UBE2Z: variants seen among roughly 807,000 people sequenced by gnomAD.
UBE2Z encodes ubiquitin-conjugating enzyme E2 Z.
In UBE2Z, 10 loss-of-function variants were observed where a neutral mutation model predicts 32.6. The observed-to-expected ratio is 0.31, with a 90% confidence interval of 0.19 to 0.52. The LOEUF is 0.52. Ranked by LOEUF, UBE2Z falls within the 20% of genes least tolerant of loss-of-function variation. The probability of loss-of-function intolerance (pLI) is 0.97; values close to 1 mark genes in which losing one functional copy is unlikely to be tolerated. For missense variants in UBE2Z, 343 were observed against 480.9 expected (o/e 0.71, Z 2.68); for synonymous variants, 183 against 190.8 (o/e 0.96, Z 0.34).
chr17:48,917,004 C>A (rs780004136), intron 4 of UBE2Z, among the ~76,000 whole-genome samples: 8 of 148,932 alleles, frequency 5.4e-5, no homozygotes, highest in South Asian at 2.1e-4. Context: ...TCGGTCCCCC[C>A]ACCCCCAAAA....
chr17:48,910,497 A>G (rs2040668058), intron 1 of UBE2Z: 4 of 298,234 alleles, frequency 1.3e-5, no homozygotes, highest in Non-Finnish European at 2.6e-5. Context: ...TGTGGGAGGA[A>G]GTGAGAGTAA....
chr17:48,917,920 G>A (rs930871789), intron 4 of UBE2Z, among the ~76,000 whole-genome samples: 9 of 152,052 alleles, frequency 5.9e-5, no homozygotes, highest in African/African-American at 1.7e-4. Flanking sequence ...CCGGATAGGT[G>A]ATTAGAACAG....
rs894803813 is a variant in UBE2Z, at chr17:48,926,630, C to T, written c.895-334C>T. On this transcript the variant is annotated intron_variant, in intron 6 of 6. Coordinates refer to ENST00000360943, the MANE Select transcript of UBE2Z (RefSeq NM_023079.5). ...CCGAGTAGCTGGGATTACAGGCATG[C>T]GCCACGACACCCGGCTAATTTTGCA... 3.3e-5 allele frequency among the ~76,000 whole-genome samples: 5 copies of T among 152,096 alleles called. No homozygotes were observed. In the South Asian group the frequency reaches 1.0e-3, roughly 32 times the overall value.
intron 3 of UBE2Z, among the ~76,000 whole-genome samples, chr17:48,914,310 G>C (rs1372060794): frequency 6.6e-6 from 1 of 152,122 alleles, no homozygotes; most frequent in Non-Finnish European, 1.5e-5. Context: ...CTGTTTTCCT[G>C]CTATCCAACA....
rs372197104 is a variant in UBE2Z at position 48,912,911 on chromosome 17, C to T, written c.468C>T (p.Pro156=). 3 of 1,613,694 alleles carry T rather than the reference C, an allele frequency of 1.9e-6. No homozygotes were observed. The highest frequency in any genetic ancestry group is 1.3e-5 in the African/African-American group (1 of 74,846). ...TCCTGTTCGTGTTTCGGTGTCCGCC[C>T]GACTATCCCATCCACCCACCTCGGG... ...GFFLFVFRCP[P]DYPIHPPRVK... is the part of the protein sequence containing the mutation. The change falls in exon 3 of 7, where the codon CCC becomes CCT. Residue 156 remains proline (P), a synonymous_variant. Coordinates refer to ENST00000360943, the MANE Select transcript of UBE2Z (RefSeq NM_023079.5).
intron 2 of UBE2Z, chr17:48,912,426 T>C (rs1465972078): frequency 6.2e-6 from 1 of 161,408 alleles, no homozygotes; most frequent in Non-Finnish European, 1.4e-5. Flanking sequence ...TTAAAAACGC[T>C]AGGGTTATAT....
intron 4 of UBE2Z, among the ~76,000 whole-genome samples, chr17:48,920,403 A>G (rs1350297713): frequency 7.2e-5 from 11 of 152,176 alleles, no homozygotes; most frequent in African/African-American, 2.4e-4. Context: ...GGCTTGAGAC[A>G]GGAGAATCGC....
intron 6 of UBE2Z, among the ~76,000 whole-genome samples, chr17:48,923,320 CAAAAAAAAA>C (rs56100763): frequency 2.5e-4 from 26 of 102,084 alleles, no homozygotes; most frequent in Non-Finnish European, 3.5e-4. Context: ...GACTCTGTCT[CAAAAAAAAA>C]AAAAAAAAAA....
intron 3 of UBE2Z, among the ~76,000 whole-genome samples, chr17:48,913,492 C>T (rs899908779): frequency 6.6e-6 from 1 of 152,276 alleles, no homozygotes; most frequent in East Asian, 1.9e-4. Flanking sequence ...GTAGCTGGGG[C>T]TACAGGCGTG....
chr17:48,926,086 G>A (rs1306083636), intron 6 of UBE2Z, among the ~76,000 whole-genome samples: 1 of 152,272 alleles, frequency 6.6e-6, no homozygotes, highest in East Asian at 1.9e-4. Flanking sequence ...CTTTGATCTA[G>A]AACAAGAAGG....
At chr17:48,923,922 G>C (rs1434907457) in intron 6 of UBE2Z, among the ~76,000 whole-genome samples, 1 of 152,128 alleles carries the variant, frequency 6.6e-6, no homozygotes, top group African/African-American at 2.4e-5. Flanking sequence ...TTTTGAGACA[G>C]AGTCTTGCTC....
At chr17:48,915,223 G>C (rs2040710462) in intron 3 of UBE2Z, among the ~76,000 whole-genome samples, 1 of 152,080 alleles carries the variant, frequency 6.6e-6, no homozygotes, top group South Asian at 2.1e-4. Flanking sequence ...TGAAAAGATA[G>C]AGGCACTTAA....
At chr17:48,910,577 C>T (rs1054970908) in intron 1 of UBE2Z, 3 of 441,604 alleles carry the variant, frequency 6.8e-6, no homozygotes, top group African/African-American at 3.9e-5. Context: ...TCTCTCCCTC[C>T]CCTCCCCCTG....
intron 6 of UBE2Z, among the ~76,000 whole-genome samples, chr17:48,924,962 T>C (rs560479090): frequency 2.8e-4 from 42 of 151,568 alleles, no homozygotes; most frequent in African/African-American, 9.2e-4. Context: ...GTTTGGATCA[T>C]CTTACTGGTG....
intron 1 of UBE2Z, among the ~76,000 whole-genome samples, chr17:48,909,195 AC>A (rs1390468247): frequency 1.5e-4 from 5 of 33,146 alleles, no homozygotes; most frequent in Non-Finnish European, 3.0e-4. Flanking sequence ...CCCCTTCCCC[AC>A]CCCAACCTTG....
At chr17:48,920,651 T>C (rs2040752584) in intron 4 of UBE2Z, among the ~76,000 whole-genome samples, 1 of 152,010 alleles carries the variant, frequency 6.6e-6, no homozygotes, top group Non-Finnish European at 1.5e-5. Flanking sequence ...TTAGCTGTGA[T>C]GGTGCCGCTG....
In UBE2Z at chr17:48,908,413, G is replaced by C; in HGVS notation, c.-91G>C. 5 of 1,132,708 alleles carry C rather than the reference G, an allele frequency of 4.4e-6. No homozygotes were observed. The highest frequency in any genetic ancestry group is 5.5e-6 in the Non-Finnish European group (5 of 901,902). The allele number at this position is 1,132,708 out of a possible 1,614,324, so 70.2% of individuals were successfully genotyped here. Reference sequence around the variant, plus strand: ...AAGCGGAGGGGGTGGGGACACTCTGGCCCGGTTCTCGGTGGTGCGGGAGCG... The same window carrying C: ...AAGCGGAGGGGGTGGGGACACTCTGCCCCGGTTCTCGGTGGTGCGGGAGCG... On this transcript the variant is annotated 5_prime_UTR_variant, in exon 1 of 7. Coordinates refer to ENST00000360943, the MANE Select transcript of UBE2Z (RefSeq NM_023079.5).
chr17:48,914,161 G>T (rs2040702360), intron 3 of UBE2Z, among the ~76,000 whole-genome samples: 1 of 152,184 alleles, frequency 6.6e-6, no homozygotes, highest in Non-Finnish European at 1.5e-5. Context: ...TCCCATTTTA[G>T]TTGCCTTTGG....
chr17:48,919,059 T>C (rs1393876642), intron 4 of UBE2Z, among the ~76,000 whole-genome samples: 2 of 152,198 alleles, frequency 1.3e-5, no homozygotes, highest in African/African-American at 4.8e-5. Context: ...GTGTTTTTTA[T>C]TTTTTACTTC....
Sources: allele counts gnomAD v4.1 joint callset (sites outside exome capture counted in the v4.1 genomes callset), GRCh38; gene constraint gnomAD v4.1.1; transcripts MANE v1.5; gene names NCBI Gene and HGNC (gene_info 2026-07-23, HGNC 2026-07-21).